Variants in WDR7 observed in about 807,000 individuals in gnomAD.
The protein encoded by WDR7 is WD repeat domain 7, also known as WD repeat-containing protein 7.
In WDR7, 46 loss-of-function variants were observed where a neutral mutation model predicts 169.4. That is an observed-to-expected ratio of 0.27 (90% CI 0.21 to 0.35). The LOEUF (loss-of-function observed/expected upper bound fraction) is 0.35, where lower values mean the gene tolerates loss of function less well. Ranked by LOEUF, WDR7 falls within the 10% of genes least tolerant of loss-of-function variation. WDR7 has a pLI of 1.00. For synonymous variants in WDR7, 612 were observed against 666.8 expected (o/e 0.92, Z 1.27); for missense variants, 1,534 against 1,859.3 (o/e 0.83, Z 3.22).
intron 26 of WDR7, among the ~76,000 whole-genome samples, chr18:56,965,418 C>T (rs1380789493): frequency 5.4e-5 from 8 of 148,496 alleles, no homozygotes; most frequent in African/African-American, 2.0e-4. Context: ...TTTCCTTTAC[C>T]TTTTGGTATT....
chr18:56,686,185 C>G (rs866801096), intron 6 of WDR7, among the ~76,000 whole-genome samples, 153 bp downstream of exon 6: 74 of 152,036 alleles, frequency 4.9e-4, no homozygotes, highest in Middle Eastern at 6.8e-3. Flanking sequence ...GGAAGATTCT[C>G]TAGTATGCTA....
intron 16 of WDR7, among the ~76,000 whole-genome samples, chr18:56,773,930 C>T (rs1356031746): frequency 6.6e-6 from 1 of 151,998 alleles, no homozygotes; most frequent in East Asian, 1.9e-4. Context: ...CCACCCTCCC[C>T]ATAACATCGT....
chr18:56,653,988 G>A (rs375986314), intron 1 of WDR7, among the ~76,000 whole-genome samples: 20 of 152,272 alleles, frequency 1.3e-4, no homozygotes, highest in East Asian at 5.8e-4. Context: ...CAGGAAGCTC[G>A]TGAGGGTTCC....
chr18:56,707,901 T>C lies in WDR7; in HGVS notation c.1579-10063T>C, dbSNP rs191909786. On this transcript the variant is annotated intron_variant, in intron 12 of 27. Transcript: ENST00000254442. ...TTAATTTACTGCCAGGAAAGAGATA[T>C]ACAGGTTTGTTCTGCATCTCCAGTT... is the stretch of plus-strand genomic sequence containing the variant. 1.4e-4 allele frequency among the ~76,000 whole-genome samples: 22 copies of C among 152,314 alleles called. No individual in the cohort carries two copies. The East Asian group carries it at 4.0e-3, about 28-fold the overall frequency.
At chr18:56,868,138 A>G (rs1210728125) in intron 20 of WDR7, among the ~76,000 whole-genome samples, 1 of 152,182 alleles carries the variant, frequency 6.6e-6, no homozygotes, top group Non-Finnish European at 1.5e-5. Context: ...AAGAAAGCAG[A>G]AGAAAAAATA....
chr18:56,966,658 A>G (rs1327797141), intron 26 of WDR7, among the ~76,000 whole-genome samples: 3 of 152,082 alleles, frequency 2.0e-5, no homozygotes, highest in Non-Finnish European at 4.4e-5. Flanking sequence ...TTGACTTTTA[A>G]CTCTGAGGGA....
Position 57,027,113 on chromosome 18 carries a change from A to C in WDR7, c.4379A>C (p.His1460Pro). 6.2e-7 allele frequency: 1 copy of C among 1,614,178 alleles called. No homozygotes were observed. Among genetic ancestry groups the C allele is most frequent in the South Asian group, 1.1e-5 (1 of 91,086 alleles). ...GTGCAGCCCGCGTCCCCCGGCTCCC[A>C]CAATGCCCTCAAGCTGGCCCGGCTC... is the stretch of plus-strand genomic sequence containing the variant. ...PPVQPASPGS[H>P]NALKLARLIW... The change falls in exon 28 of 28, where the codon CAC (histidine) becomes CCC (proline). Residue 1460 changes from histidine (H) to proline (P), a missense_variant. Physicochemically the swap from His to Pro is moderately conservative, Grantham distance 77. Transcript: ENST00000254442.
chr18:56,854,212 G>A (rs777502540), intron 20 of WDR7, among the ~76,000 whole-genome samples: 9 of 152,270 alleles, frequency 5.9e-5, no homozygotes, highest in Non-Finnish European at 1.2e-4. Context: ...ACTGTCTGCC[G>A]GGACACAGCA....
At chr18:56,796,998 A>G (rs754168386) in intron 19 of WDR7, among the ~76,000 whole-genome samples, 2 of 152,174 alleles carry the variant, frequency 1.3e-5, no homozygotes, top group Admixed American at 1.3e-4. Flanking sequence ...ATAGTGGTCC[A>G]TCAGGTACTG....
At chr18:56,904,393 T>C (rs1357588715) in intron 21 of WDR7, among the ~76,000 whole-genome samples, 1 of 152,170 alleles carries the variant, frequency 6.6e-6, no homozygotes, top group Non-Finnish European at 1.5e-5. Flanking sequence ...TAATGCAGTG[T>C]ATTTTTCAAA....
intron 25 of WDR7, among the ~76,000 whole-genome samples, chr18:56,961,264 C>T (rs899369131): frequency 1.3e-5 from 2 of 152,026 alleles, no homozygotes. Context: ...ATCAGAAATG[C>T]TGTCCCATGC....
intron 19 of WDR7, among the ~76,000 whole-genome samples, chr18:56,783,944 A>C (rs6566835): frequency 0.96 from 146,365 of 152,208 alleles, 70,653 homozygotes; most frequent in East Asian, 1. Flanking sequence ...TGTTGTTTGG[A>C]GAGAGGTGTG....
At chr18:56,991,143 ATTT>A (rs60092817) in intron 26 of WDR7, among the ~76,000 whole-genome samples, 7 of 110,730 alleles carry the variant, frequency 6.3e-5, no homozygotes, top group South Asian at 3.1e-4. Context: ...CCTTCTCCTC[ATTT>A]TTTTTTTTTT....
At chr18:56,754,289 ATG>A (rs1177972248) in intron 14 of WDR7, among the ~76,000 whole-genome samples, 79 of 124,396 alleles carry the variant, frequency 6.4e-4, no homozygotes, top group African/African-American at 1.1e-3. Context: ...GTGTGTGTAT[ATG>A]TGTGTGTGTG....
intron 1 of WDR7, among the ~76,000 whole-genome samples, chr18:56,670,217 A>G (rs2025104402): frequency 6.6e-6 from 1 of 152,142 alleles, no homozygotes; most frequent in Admixed American, 6.5e-5. Flanking sequence ...TTCTATCATC[A>G]TAAGCGATGT....
At chr18:56,736,670 G>A (rs1181576936) in intron 14 of WDR7, among the ~76,000 whole-genome samples, 1 of 151,910 alleles carries the variant, frequency 6.6e-6, no homozygotes, top group Non-Finnish European at 1.5e-5. Flanking sequence ...AATTAGGAAA[G>A]CCATTGGTGA....
At chr18:56,703,647 ATTAAT>A (rs1228300917) in intron 12 of WDR7, among the ~76,000 whole-genome samples, 1 of 152,066 alleles carries the variant, frequency 6.6e-6, no homozygotes, top group Non-Finnish European at 1.5e-5. Flanking sequence ...TCTTTTTGAT[ATTAAT>A]TTTATTTTTA....
intron 20 of WDR7, among the ~76,000 whole-genome samples, chr18:56,818,468 C>T (rs1009127526): frequency 6.6e-6 from 1 of 152,144 alleles, no homozygotes; most frequent in African/African-American, 2.4e-5. Context: ...TGACAAATGG[C>T]TTTTATCTGC....
intron 25 of WDR7, among the ~76,000 whole-genome samples, chr18:56,951,148 GCCATCACTCTCACATTATTA>G (rs1465102331): frequency 4.6e-5 from 7 of 151,958 alleles, no homozygotes; most frequent in Non-Finnish European, 8.8e-5. Context: ...TAGCCTCCTC[GCCATCACTCTCACATTATTA>G]CCCTTTTAGC....
Sources: allele counts gnomAD v4.1 joint callset (sites outside exome capture counted in the v4.1 genomes callset), GRCh38; gene constraint gnomAD v4.1.1; transcripts MANE v1.5; gene names NCBI Gene and HGNC (gene_info 2026-07-23, HGNC 2026-07-21).